ADGRV1: variants seen among roughly 807,000 people sequenced by gnomAD.
ADGRV1 encodes the protein adhesion G protein-coupled receptor V1, also known as G-protein coupled receptor 98.
Under a neutral mutation model 596.2 loss-of-function variants are expected in ADGRV1, and 359 were observed. The observed-to-expected ratio is 0.60, with a 90% CI of 0.55 to 0.66. The LOEUF (loss-of-function observed/expected upper bound fraction) is 0.66. Ranked by LOEUF, ADGRV1 falls within the 30% of genes least tolerant of loss-of-function variation. The pLI, the probability that ADGRV1 is intolerant of heterozygous loss-of-function variation, is 0.00. For missense variants in ADGRV1, 7,274 were observed against 7,575.6 expected, an observed-to-expected ratio of 0.96 and a Z score of 1.48; for synonymous variants, 2,681 against 2,679.2, an observed-to-expected ratio of 1.00 and a Z score of -0.02.
At chr5:90,813,219 A>G (rs555259071) in intron 74 of ADGRV1, among the ~76,000 whole-genome samples, 4 of 145,282 alleles carry the variant, frequency 2.8e-5, no homozygotes, top group Non-Finnish European at 4.5e-5. Context: ...CAGATATTTT[A>G]TTACAGGTAT....
intron 20 of ADGRV1, chr5:90,654,911 T>G (rs547187845): frequency 7.2e-5 from 11 of 152,136 alleles, no homozygotes; most frequent in Non-Finnish European, 1.3e-4. Flanking sequence ...GGTGGTGGAA[T>G]GAGAATGGAA....
intron 42 of ADGRV1, among the ~76,000 whole-genome samples, chr5:90,713,733 G>C (rs1749703973): frequency 6.6e-6 from 1 of 152,154 alleles, no homozygotes. Context: ...TAACAGGAAA[G>C]AGAGAGTATT....
intron 83 of ADGRV1, among the ~76,000 whole-genome samples, chr5:90,875,783 A>T (rs1283219236): frequency 6.6e-6 from 1 of 152,236 alleles, no homozygotes; most frequent in Non-Finnish European, 1.5e-5. Flanking sequence ...TTATTGGAGT[A>T]CAGAAAAAGT....
chr5:91,032,932 C>T (rs2151234851), intron 85 of ADGRV1, among the ~76,000 whole-genome samples: 1 of 152,280 alleles, frequency 6.6e-6, no homozygotes, highest in East Asian at 1.9e-4. Context: ...TGGCCATTTA[C>T]TTCAGACTTC....
intron 34 of ADGRV1, among the ~76,000 whole-genome samples, chr5:90,702,957 T>C (rs28445436): frequency 0.031 from 4,766 of 152,100 alleles, 234 homozygotes; most frequent in African/African-American, 0.11. Flanking sequence ...ATTAGCACGC[T>C]CCCTAACAGC....
chr5:90,944,533 T>C (rs1379673915), intron 83 of ADGRV1, among the ~76,000 whole-genome samples: 1 of 152,218 alleles, frequency 6.6e-6, no homozygotes, highest in Non-Finnish European at 1.5e-5. Context: ...TTCTGTGTTA[T>C]GTAGTAAATA....
chr5:90,930,729 T>TG (rs1271773588), intron 83 of ADGRV1, among the ~76,000 whole-genome samples: 1 of 152,198 alleles, frequency 6.6e-6, no homozygotes, highest in Non-Finnish European at 1.5e-5. Flanking sequence ...AACTTGGTCT[T>TG]GCACTACTGT....
intron 83 of ADGRV1, among the ~76,000 whole-genome samples, chr5:90,864,383 A>G (rs1233180865): frequency 6.6e-6 from 1 of 152,226 alleles, no homozygotes; most frequent in Non-Finnish European, 1.5e-5. Flanking sequence ...AGTTTAAAGC[A>G]CTGTGTAAAG....
chr5:90,771,740 T>A (rs989984501), intron 59 of ADGRV1, among the ~76,000 whole-genome samples: 2 of 152,208 alleles, frequency 1.3e-5, no homozygotes, highest in Admixed American at 6.5e-5. Context: ...TCTGCACTGC[T>A]ATTCAGCAGA....
intron 52 of ADGRV1, among the ~76,000 whole-genome samples, chr5:90,746,423 A>C (rs1026022618): frequency 1.3e-5 from 2 of 152,114 alleles, no homozygotes; most frequent in Non-Finnish European, 2.9e-5. Context: ...TGGTAAAGTG[A>C]ATTCTTACTT....
intron 75 of ADGRV1, among the ~76,000 whole-genome samples, chr5:90,818,479 C>A (rs887162652): frequency 1.3e-5 from 2 of 150,394 alleles, no homozygotes. Context: ...GAGAGGGCAT[C>A]CCTGTCTTGT....
chr5:90,914,467 T>C (rs994683514), intron 83 of ADGRV1, among the ~76,000 whole-genome samples: 2 of 152,180 alleles, frequency 1.3e-5, no homozygotes, highest in Non-Finnish European at 2.9e-5. Context: ...TGTGAATGTA[T>C]TTAACTCTTC....
At position 90,675,388 on chromosome 5, in the gene ADGRV1, G is replaced by A; in HGVS notation, c.5256G>A (p.Arg1752=). 1 of 1,613,788 alleles carries A rather than the reference G, an allele frequency of 6.2e-7. No homozygotes were observed. Among genetic ancestry groups the A allele is most frequent in the Non-Finnish European group, 8.5e-7 (1 of 1,179,854 alleles). The change falls in exon 24 of 90, where the codon AGG becomes AGA. Residue 1752 remains arginine, a synonymous_variant. Transcript: ENST00000405460. ...LVIRAQGLLG[R]VTAEFRTVSL... ...TCCGTGCACAGGGACTTCTGGGAAG[G>A]GTGACTGCGGAATTTAGAACAGTGT...
At chr5:91,016,965 A>G (rs1783222050) in intron 85 of ADGRV1, among the ~76,000 whole-genome samples, 1 of 151,936 alleles carries the variant, frequency 6.6e-6, no homozygotes, top group Non-Finnish European at 1.5e-5. Context: ...TGATTGGAAG[A>G]CGTAGGGATA....
chr5:90,759,362 C>G lies in ADGRV1; in HGVS notation c.11941-47C>G, dbSNP rs114050299. 6,516 of 1,298,272 alleles carry G rather than the reference C, an allele frequency of 5.0e-3. 245 individuals are homozygous for G. In the African/African-American group the frequency reaches 0.082, roughly 16 times the overall value. The allele number at this position is 1,298,272 out of a possible 1,614,324, so 80.4% of individuals were successfully genotyped here. On this transcript the variant is annotated intron_variant, in intron 57 of 89. Coordinates refer to ENST00000405460, the MANE Select transcript of ADGRV1 (RefSeq NM_032119.4). ...TTCTTTCCTCATTTCCTATCTTCCT[C>G]CTTCTTTTCCTCCCTCTCTTTCTCC...
rs764197302 is a variant in ADGRV1, at chr5:90,840,939, A to G, written c.16973A>G (p.Glu5658Gly). ...ACCATCAGCATGAAAGTGGCCACAGAAAACACAGATGAACAACTCAGTGCC... is the reference window on the plus strand; with the variant it reads ...ACCATCAGCATGAAAGTGGCCACAGGAAACACAGATGAACAACTCAGTGCC... ...LHTISMKVAT[E>G]NTDEQLSAMM... Residue 5658 changes from glutamate to glycine, a missense_variant, in exon 78 of 90, where the codon GAA (glutamate) becomes GGA (glycine). Coordinates refer to ENST00000405460, the MANE Select transcript of ADGRV1 (RefSeq NM_032119.4). 4 of 1,501,902 alleles carry G rather than the reference A, an allele frequency of 2.7e-6. No homozygotes were observed. The highest frequency in any genetic ancestry group is 3.6e-6 in the Non-Finnish European group (4 of 1,122,966). 93.0% of individuals were successfully genotyped at this position (1,501,902 alleles called of 1,614,324 possible).
intron 59 of ADGRV1, among the ~76,000 whole-genome samples, chr5:90,770,292 C>T (rs1252874944): frequency 6.6e-6 from 1 of 152,130 alleles, no homozygotes; most frequent in Non-Finnish European, 1.5e-5. Flanking sequence ...GAGAACACCA[C>T]TGGAAAAAAC....
chr5:90,879,622 G>A (rs1213124878), intron 83 of ADGRV1, among the ~76,000 whole-genome samples: 1 of 151,568 alleles, frequency 6.6e-6, no homozygotes, highest in African/African-American at 2.4e-5. Context: ...TCTCCAAATG[G>A]TAAGGCGTAT....
intron 65 of ADGRV1, 70 bp downstream of exon 65, chr5:90,781,648 G>T (rs540694317): frequency 1.4e-6 from 2 of 1,452,276 alleles, no homozygotes; most frequent in African/African-American, 1.4e-5. Flanking sequence ...TTGAATTTCC[G>T]TGTGTAAATT....
Sources: gnomAD v4.1 joint callset for allele counts (sites outside exome capture counted in the v4.1 genomes callset) on GRCh38, gnomAD v4.1.1 for gene constraint, MANE v1.5 for transcripts, NCBI Gene and HGNC (gene_info 2026-07-23, HGNC 2026-07-21) for gene names.